Variants in ARL15 observed in about 807,000 individuals in gnomAD.
ARL15 encodes ADP-ribosylation factor-like protein 15.
A neutral mutation model predicts 25.2 loss-of-function variants in ARL15; 19 were observed. That is an observed-to-expected ratio of 0.75 (90% CI 0.53 to 1.10). The LOEUF (loss-of-function observed/expected upper bound fraction) is 1.10, where lower values mean the gene tolerates loss of function less well. Among genes scored for constraint, ARL15 ranks in the 50% least tolerant of loss-of-function variants. ARL15 has a pLI of 0.00. For synonymous variants in ARL15, 94 were observed against 86.8 expected (o/e 1.08, Z -0.46); for missense variants, 220 against 246.0 (o/e 0.89, Z 0.71).
intron 3 of ARL15, among the ~76,000 whole-genome samples, chr5:54,148,284 A>G (rs1753967187): frequency 1.3e-5 from 2 of 152,184 alleles, no homozygotes; most frequent in Non-Finnish European, 2.9e-5. Flanking sequence ...CAGGATACAA[A>G]CAAACAGCAC....
chr5:53,978,622 C>CAAA (rs147288475), intron 4 of ARL15, among the ~76,000 whole-genome samples: 7 of 74,582 alleles, frequency 9.4e-5, no homozygotes, highest in Non-Finnish European at 1.2e-4. Flanking sequence ...CCTGTCTCTA[C>CAAA]AAAAAAAAAA....
At chr5:54,019,684 GAAT>G (rs1749533566) in intron 4 of ARL15, among the ~76,000 whole-genome samples, 2 of 152,122 alleles carry the variant, frequency 1.3e-5, no homozygotes, top group Non-Finnish European at 2.9e-5. Flanking sequence ...AAGGAAATGT[GAAT>G]ATTATGACAT....
rs571697906 is a variant in ARL15, at chr5:54,301,969, T to C, written c.48+8463A>G. 3.3e-5 allele frequency among the ~76,000 whole-genome samples: 5 copies of C among 152,344 alleles called. No homozygotes were observed. In the South Asian group the frequency reaches 1.0e-3, roughly 32 times the overall value. On this transcript the variant is annotated intron_variant, in intron 1 of 4. Coordinates refer to ENST00000504924, the MANE Select transcript of ARL15 (RefSeq NM_019087.3). ...AGATGGTGAGCTACTATCAAAATCATGTAGGAGTGCTTGGCTCTATGAGCC... is the reference window on the plus strand; with the variant it reads ...AGATGGTGAGCTACTATCAAAATCACGTAGGAGTGCTTGGCTCTATGAGCC...
intron 1 of ARL15, among the ~76,000 whole-genome samples, chr5:54,265,667 C>T (rs1160286869): frequency 1.3e-5 from 2 of 152,112 alleles, no homozygotes; most frequent in African/African-American, 2.4e-5. Context: ...CTAAGTTTGC[C>T]AAGAAAATTT....
intron 4 of ARL15, chr5:54,048,111 A>G (rs988991192): frequency 6.6e-6 from 1 of 151,908 alleles, no homozygotes; most frequent in African/African-American, 2.4e-5. Context: ...TCTATTTCCA[A>G]CCTGGGCCAG....
chr5:53,895,467 T>C (rs2111914909), intron 4 of ARL15, among the ~76,000 whole-genome samples: 2 of 152,344 alleles, frequency 1.3e-5, no homozygotes, highest in Middle Eastern at 3.4e-3. Flanking sequence ...GGAAGTTTTC[T>C]TACCAACTCC....
chr5:53,942,376 A>G (rs1746564937), intron 4 of ARL15, among the ~76,000 whole-genome samples: 1 of 152,212 alleles, frequency 6.6e-6, no homozygotes, highest in Admixed American at 6.5e-5. Flanking sequence ...GGAATAATCT[A>G]GAAATCGGTT....
chr5:54,232,223 A>T (rs1449400108), intron 1 of ARL15, among the ~76,000 whole-genome samples: 1 of 152,164 alleles, frequency 6.6e-6, no homozygotes, highest in African/African-American at 2.4e-5. Flanking sequence ...TGTTCCCATG[A>T]TCCTGACCAC....
chr5:53,923,956 T>G (rs1230557483), intron 4 of ARL15, among the ~76,000 whole-genome samples: 1 of 152,208 alleles, frequency 6.6e-6, no homozygotes, highest in Non-Finnish European at 1.5e-5. Flanking sequence ...GACTTGTAAT[T>G]CAAGCTTAAG....
At chr5:54,097,083 G>A (rs978422516) in intron 4 of ARL15, among the ~76,000 whole-genome samples, 3 of 152,046 alleles carry the variant, frequency 2.0e-5, no homozygotes, top group Non-Finnish European at 2.9e-5. Flanking sequence ...AACACAGGCC[G>A]GGCACAGTGG....
intron 1 of ARL15, among the ~76,000 whole-genome samples, chr5:54,292,748 A>G (rs1758366673): frequency 6.6e-6 from 1 of 152,136 alleles, no homozygotes; most frequent in Non-Finnish European, 1.5e-5. Flanking sequence ...GTATTTTTAT[A>G]CTGTCGTCTC....
intron 1 of ARL15, among the ~76,000 whole-genome samples, chr5:54,188,829 T>C (rs1202562350): frequency 3.3e-5 from 5 of 152,082 alleles, no homozygotes; most frequent in Non-Finnish European, 4.4e-5. Context: ...CCAAAGCAAA[T>C]ACATAACAAG....
chr5:54,066,658 G>A (rs1327078249), intron 4 of ARL15, among the ~76,000 whole-genome samples: 1 of 152,088 alleles, frequency 6.6e-6, no homozygotes, highest in African/African-American at 2.4e-5. Flanking sequence ...GGTACTACTG[G>A]CATCTAGTGG....
intron 3 of ARL15, among the ~76,000 whole-genome samples, chr5:54,132,583 A>G (rs1471899403): frequency 6.6e-6 from 1 of 152,024 alleles, no homozygotes; most frequent in Non-Finnish European, 1.5e-5. Flanking sequence ...TTTTTTCTTA[A>G]GTGAAAGTAA....
intron 4 of ARL15, among the ~76,000 whole-genome samples, chr5:54,019,254 T>G (rs1309737733): frequency 6.6e-6 from 1 of 152,158 alleles, no homozygotes. Flanking sequence ...GTGATTTTAT[T>G]TATGCCCTTA....
At chr5:54,214,133 C>T (rs1325544575) in intron 1 of ARL15, among the ~76,000 whole-genome samples, 3 of 151,944 alleles carry the variant, frequency 2.0e-5, no homozygotes, top group African/African-American at 7.3e-5. Context: ...AGGAAGGGGG[C>T]TTGATAGAAG....
chr5:54,080,362 A>G (rs1246255865), intron 4 of ARL15, among the ~76,000 whole-genome samples: 2 of 152,240 alleles, frequency 1.3e-5, no homozygotes, highest in African/African-American at 4.8e-5. Flanking sequence ...TATGGTATTC[A>G]AGTTACTTTT....
chr5:53,939,874 T>C (rs926605435), intron 4 of ARL15, among the ~76,000 whole-genome samples: 5 of 151,676 alleles, frequency 3.3e-5, no homozygotes, highest in African/African-American at 1.2e-4. Context: ...TTCAAACAAA[T>C]ATGAACAGAC....
chr5:54,131,647 T>C (rs1022540144), intron 3 of ARL15, among the ~76,000 whole-genome samples: 1 of 152,242 alleles, frequency 6.6e-6, no homozygotes, highest in African/African-American at 2.4e-5. Flanking sequence ...GTTCTTTGAT[T>C]GCTTAATTCA....
Sources: allele counts gnomAD v4.1 joint callset (sites outside exome capture counted in the v4.1 genomes callset), GRCh38; gene constraint gnomAD v4.1.1; transcripts MANE v1.5; gene names NCBI Gene and HGNC (gene_info 2026-07-23, HGNC 2026-07-21).